Variants in MEAF6 observed in about 807,000 individuals in gnomAD.
MEAF6 encodes the protein chromatin modification-related protein MEAF6.
MEAF6 carries 15 observed loss-of-function variants against 28.9 expected under a neutral mutation model. That is an observed-to-expected ratio of 0.52 (90% confidence interval 0.35 to 0.80). The LOEUF (loss-of-function observed/expected upper bound fraction) is 0.80. Among genes scored for constraint, MEAF6 ranks in the 30% least tolerant of loss-of-function variants. MEAF6 has a pLI of 0.01. For synonymous variants in MEAF6, 97 were observed against 88.7 expected, an observed-to-expected ratio of 1.09 and a Z score of -0.53; for missense variants, 178 against 237.5, an observed-to-expected ratio of 0.75 and a Z score of 1.65.
intron 2 of MEAF6, among the ~76,000 whole-genome samples, chr1:37,512,463 G>A (rs1642699701): frequency 6.6e-6 from 1 of 151,776 alleles, no homozygotes; most frequent in Non-Finnish European, 1.5e-5. Context: ...ATATAGGTAG[G>A]AGGGTATCAA....
chr1:37,513,085 G>A (rs935898665), intron 2 of MEAF6, among the ~76,000 whole-genome samples: 4 of 152,040 alleles, frequency 2.6e-5, no homozygotes, highest in African/African-American at 4.8e-5. Context: ...AGCTACTCAG[G>A]AGGAAAAAGA....
intron 4 of MEAF6, among the ~76,000 whole-genome samples, chr1:37,502,952 A>G (rs575253711): frequency 6.6e-6 from 1 of 151,122 alleles, no homozygotes; most frequent in Non-Finnish European, 1.5e-5. Flanking sequence ...TTTTATTTCG[A>G]GACAAGATCT....
chr1:37,493,584 A>AGTATGAGCT lies in MEAF6; in HGVS notation c.*506_*514dup, dbSNP rs1473302501. 70 of 602,726 alleles carry AGTATGAGCT rather than the reference A, an allele frequency of 1.2e-4. No individual in the cohort carries two copies. Among genetic ancestry groups the AGTATGAGCT allele is most frequent in the Non-Finnish European group, 2.0e-4 (68 of 339,194 alleles). 37.3% of individuals were successfully genotyped at this position (602,726 alleles called of 1,614,324 possible). A position where few individuals can be genotyped will look rare whatever the true frequency, so the allele number is the denominator to read the frequency against. On this transcript the variant is annotated 3_prime_UTR_variant, in exon 7 of 7. Coordinates refer to ENST00000296214, the MANE Select transcript of MEAF6 (RefSeq NM_001270875.3). ...AGATGATCAGATATGTCAGCAGGAA[A>AGTATGAGCT]GTATGAGCTGTACAAAGGCATTACA...
intron 5 of MEAF6, among the ~76,000 whole-genome samples, chr1:37,497,534 T>C (rs970746553): frequency 6.6e-6 from 1 of 152,136 alleles, no homozygotes; most frequent in Non-Finnish European, 1.5e-5. Flanking sequence ...TAACTGTCTA[T>C]ATCAGGGCTA....
intron 6 of MEAF6, among the ~76,000 whole-genome samples, 181 bp downstream of exon 6, chr1:37,495,704 C>CAAAAAAAAAAAAAAAAAAAAAAA (rs1217893546): frequency 1.6e-5 from 1 of 64,498 alleles, no homozygotes; most frequent in Non-Finnish European, 3.3e-5. Flanking sequence ...AAACAAAAAA[C>CAAAAAAAAAAAAAAAAAAAAAAA]AAAAAAAAAA....
chr1:37,493,454 TA>T lies in MEAF6; in HGVS notation c.*644del, dbSNP rs1642004697. On this transcript the variant is annotated 3_prime_UTR_variant, in exon 7 of 7. Coordinates refer to ENST00000296214, the MANE Select transcript of MEAF6 (RefSeq NM_001270875.3). ...AGAAAGATTTAAGATAGGTAATTAC[TA>T]AACACTCTTTACCTCCCCTTGCAAA... 2.8e-6 allele frequency: 1 copy of T among 362,924 alleles called. No homozygotes were observed. The highest frequency in any genetic ancestry group is 4.9e-6 in the Non-Finnish European group (1 of 203,848). The allele number at this position is 362,924 out of a possible 1,614,324, so 22.5% of individuals were successfully genotyped here. A position where few individuals can be genotyped will look rare whatever the true frequency, so the allele number is the denominator to read the frequency against.
intron 2 of MEAF6, among the ~76,000 whole-genome samples, chr1:37,512,133 T>C (rs1010614659): frequency 2.0e-5 from 3 of 152,118 alleles, no homozygotes; most frequent in Non-Finnish European, 2.9e-5. Context: ...ATGAGGAAGA[T>C]CTTTGTGGTA....
At chr1:37,504,831 T>C (rs1200767117) in intron 4 of MEAF6, among the ~76,000 whole-genome samples, 4 of 148,290 alleles carry the variant, frequency 2.7e-5, no homozygotes, top group Admixed American at 2.7e-4. Flanking sequence ...ACACACATTA[T>C]CTATTTCTAA....
At chr1:37,495,086 G>A (rs1213578568) in intron 6 of MEAF6, among the ~76,000 whole-genome samples, 2 of 151,888 alleles carry the variant, frequency 1.3e-5, no homozygotes, top group East Asian at 3.9e-4. Context: ...TGTAATCCCA[G>A]CACTTTGGGA....
At chr1:37,495,203 G>A (rs1019246892) in intron 6 of MEAF6, among the ~76,000 whole-genome samples, 14 of 151,560 alleles carry the variant, frequency 9.2e-5, no homozygotes, top group East Asian at 3.9e-4. Flanking sequence ...ATGGTGGCAC[G>A]CACTGTAATC....
chr1:37,500,036 G>A (rs531454892), intron 5 of MEAF6, among the ~76,000 whole-genome samples: 29 of 152,318 alleles, frequency 1.9e-4, no homozygotes, highest in Admixed American at 1.6e-3. Context: ...GCCAGACACC[G>A]TGGCTCATGC....
Position 37,501,980 on chromosome 1 carries a change from C to T in MEAF6, c.357G>A (p.Gly119=), listed in dbSNP as rs554676599. 27 of 1,604,946 alleles carry T rather than the reference C, an allele frequency of 1.7e-5. No individual in the cohort carries two copies. The South Asian group carries it at 2.5e-4, about 15-fold the overall frequency. ...QLIEKREPGS[G]TESDTSPDFH... is the part of the protein sequence containing the mutation. The stretch of plus-strand genomic sequence containing the variant: ...AGTCTGGAGAAGTGTCACTTTCCGT[C>T]CCACTTCCTGGCTCCCCTGAAGGAA... Residue 119 remains glycine, a synonymous_variant, in exon 5 of 7, where the codon GGG becomes GGA. Transcript: ENST00000296214.
At chr1:37,495,988 C>A in intron 5 of MEAF6, 70 bp from the exon 6 acceptor site, 1 of 1,231,338 alleles carries the variant, frequency 8.1e-7, no homozygotes, top group Non-Finnish European at 1.2e-6. Flanking sequence ...TCAGCTACTG[C>A]ATAGGGCATA....
intron 5 of MEAF6, among the ~76,000 whole-genome samples, chr1:37,497,302 G>A (rs941059184): frequency 5.3e-5 from 8 of 151,102 alleles, no homozygotes; most frequent in East Asian, 2.0e-4. Context: ...CAGGGGCGGC[G>A]ATCTTGGCTC....
Position 37,500,393 on chromosome 1 carries a change from A to G in MEAF6, c.533+1411T>C, listed in dbSNP as rs1642262008. On this transcript the variant is annotated intron_variant, in intron 5 of 6. Transcript: ENST00000296214. ...ATCTTGACAATTAAAAAAATTTTTAAGAATATATTTCTCTGTTATTCGTGA... is the reference window on the plus strand; with the variant it reads ...ATCTTGACAATTAAAAAAATTTTTAGGAATATATTTCTCTGTTATTCGTGA... Among the ~76,000 whole-genome samples, 3 of 152,352 alleles carry G rather than the reference A, an allele frequency of 2.0e-5. No individual in the cohort carries two copies. In the South Asian group the frequency reaches 6.2e-4, roughly 32 times the overall value.
intron 2 of MEAF6, among the ~76,000 whole-genome samples, chr1:37,510,542 C>G (rs923243376): frequency 6.6e-6 from 1 of 150,462 alleles, no homozygotes; most frequent in Admixed American, 6.6e-5. Flanking sequence ...CCACCATGCC[C>G]GGCTAATTTT....
chr1:37,493,579 A>C lies in MEAF6; in HGVS notation c.*520T>G, dbSNP rs1569946331. The C allele has an allele frequency of 1.7e-6, 1 of 592,776 alleles. No homozygotes were observed. Among genetic ancestry groups the C allele is most frequent in the East Asian group, 3.0e-5 (1 of 33,526 alleles). 36.7% of individuals were successfully genotyped at this position (592,776 alleles called of 1,614,324 possible). ...GAAAGAGATGATCAGATATGTCAGC[A>C]GGAAAGTATGAGCTGTACAAAGGCA... On this transcript the variant is annotated 3_prime_UTR_variant, in exon 7 of 7. Coordinates refer to ENST00000296214, the MANE Select transcript of MEAF6 (RefSeq NM_001270875.3).
intron 1 of MEAF6, chr1:37,514,435 C>T: frequency 3.0e-6 from 1 of 331,260 alleles, no homozygotes; most frequent in Non-Finnish European, 5.5e-6. Flanking sequence ...TTCCCCTCCC[C>T]CTCCCGCGCT....
At position 37,493,866 on chromosome 1, in the gene MEAF6, C is replaced by CT. The variant is rs1642024090; in HGVS notation, c.*232dup. 6.4e-7 allele frequency: 1 copy of CT among 1,556,024 alleles called. No homozygotes were observed. Among genetic ancestry groups the CT allele is most frequent in the Non-Finnish European group, 8.7e-7 (1 of 1,151,162 alleles). On this transcript the variant is annotated 3_prime_UTR_variant, in exon 7 of 7. Coordinates refer to ENST00000296214, the MANE Select transcript of MEAF6 (RefSeq NM_001270875.3). ...CAACTTGCTGGGATTACAACATTGT[C>CT]TTCATCTTCCTGCAGTTCTGTTACT...
Sources: allele counts gnomAD v4.1 joint callset (sites outside exome capture counted in the v4.1 genomes callset), GRCh38; gene constraint gnomAD v4.1.1; transcripts MANE v1.5; gene names NCBI Gene and HGNC (gene_info 2026-07-23, HGNC 2026-07-21).